The following AP1M1 variants were observed in gnomAD, a reference collection of about 807,000 sequenced individuals.
The protein encoded by AP1M1 is AP-1 complex subunit mu-1.
Under a neutral mutation model 57.1 loss-of-function variants are expected in AP1M1, and 18 were observed. That is an observed-to-expected ratio of 0.32 (90% CI 0.22 to 0.47). AP1M1 has a LOEUF of 0.47. Among genes scored for constraint, AP1M1 ranks in the 20% least tolerant of loss-of-function variants. The pLI, the probability that AP1M1 is intolerant of heterozygous loss-of-function variation, is 1.00. For missense variants in AP1M1, 362 were observed against 593.5 expected (o/e 0.61, Z 4.05); for synonymous variants, 241 against 237.9 (o/e 1.01, Z -0.12).
Position 16,234,968 on chromosome 19 carries a change from C to A in AP1M1, c.*533C>A. Reference sequence around the variant, plus strand: ...CCCACGTCCTACGGCACTCAGGAAGCACTTGGTGAGGACGAGCCCTCACCC... The same window carrying A: ...CCCACGTCCTACGGCACTCAGGAAGAACTTGGTGAGGACGAGCCCTCACCC... On this transcript the variant is annotated 3_prime_UTR_variant, in exon 12 of 12. Transcript: ENST00000291439. 1 of 157,164 alleles carries A rather than the reference C, an allele frequency of 6.4e-6. No individual in the cohort carries two copies. The allele number at this position is 157,164 out of a possible 1,614,324, so 9.7% of individuals were successfully genotyped here.
At position 16,239,375 on chromosome 19, in the gene AP1M1, C is replaced by T. The variant is rs2091637290; in HGVS notation, c.*4940C>T. On this transcript the variant is annotated 3_prime_UTR_variant, in exon 12 of 12. Transcript: ENST00000291439. ...TTACTTGAGCCCAGGAGTTTAAGGA[C>T]AGCCTGGGCAACATAGTGAGACCCT... 1 of 145,624 alleles carries T rather than the reference C, an allele frequency of 6.9e-6. No homozygotes were observed. Among genetic ancestry groups the T allele is most frequent in the Non-Finnish European group, 1.5e-5 (1 of 66,940 alleles). 9.0% of individuals were successfully genotyped at this position (145,624 alleles called of 1,614,324 possible).
intron 5 of AP1M1, 27 bp downstream of exon 5, chr19:16,209,204 G>T (rs758529330): frequency 6.2e-7 from 1 of 1,612,122 alleles, no homozygotes; most frequent in South Asian, 1.1e-5. Context: ...TCCTTCTTCT[G>T]TAGGGTTTTA....
In AP1M1 at chr19:16,227,785, A is replaced by C; in HGVS notation, c.816+95A>C. On this transcript the variant is annotated intron_variant, in intron 7 of 11. Transcript: ENST00000291439. The surrounding 1 kb of genome is among the most constrained non-coding windows in gnomAD (Gnocchi z 6.2). Reference sequence around the variant, plus strand: ...CCAGGCAGGCGCCAGGGCCAGCCCCACCCCACGCTCCATGAGCTGCCTGGC... The same window carrying C: ...CCAGGCAGGCGCCAGGGCCAGCCCCCCCCCACGCTCCATGAGCTGCCTGGC... 6.9e-7 allele frequency: 1 copy of C among 1,457,344 alleles called. No homozygotes were observed. 90.3% of individuals were successfully genotyped at this position (1,457,344 alleles called of 1,614,324 possible).
chr19:16,206,372 G>A lies in AP1M1; in HGVS notation c.231G>A (p.Val77=), dbSNP rs200386274. The A allele has an allele frequency of 6.2e-7, 1 of 1,614,182 alleles. No individual in the cohort carries two copies. The highest frequency in any genetic ancestry group is 2.2e-5 in the East Asian group (1 of 44,872). ...LVATSKKNAC[V]SLVFSFLYKV... Reference sequence around the variant, plus strand: ...CCACATCCAAGAAGAACGCGTGCGTGTCGCTGGTCTTTTCTTTCCTCTATA... The same window carrying A: ...CCACATCCAAGAAGAACGCGTGCGTATCGCTGGTCTTTTCTTTCCTCTATA... The change falls in exon 3 of 12, where the codon GTG becomes GTA. Residue 77 remains valine (V), a synonymous_variant. Coordinates refer to ENST00000291439, the MANE Select transcript of AP1M1 (RefSeq NM_032493.4). This position sits in a 1 kb window ranked among gnomAD's most constrained non-coding sequence, Gnocchi z 4.3.
At chr19:16,222,669 G>T (rs576267002) in intron 5 of AP1M1, among the ~76,000 whole-genome samples, 4 of 151,980 alleles carry the variant, frequency 2.6e-5, no homozygotes, top group Non-Finnish European at 4.4e-5. Flanking sequence ...GTATAGTGGT[G>T]CAGTTATAGC....
intron 1 of AP1M1, 68 bp downstream of exon 1, chr19:16,198,136 C>T: frequency 6.4e-7 from 1 of 1,570,550 alleles, no homozygotes; most frequent in South Asian, 1.1e-5. Context: ...CGGGGACCCA[C>T]CCTGTTGCTA....
At chr19:16,212,889 A>T (rs2091501418) in intron 5 of AP1M1, among the ~76,000 whole-genome samples, 1 of 152,056 alleles carries the variant, frequency 6.6e-6, no homozygotes, top group Admixed American at 6.6e-5. Context: ...TTTAATTTCC[A>T]TGTAATTGTA....
At chr19:16,198,344 G>A (rs1240684631) in intron 1 of AP1M1, 2 of 227,618 alleles carry the variant, frequency 8.8e-6, no homozygotes, top group Non-Finnish European at 1.7e-5. Context: ...CCCCGGCGCC[G>A]GGGCCGGGGG....
intron 5 of AP1M1, 23 bp from the exon 6 acceptor site, chr19:16,226,398 C>A: frequency 6.6e-7 from 1 of 1,516,686 alleles, no homozygotes; most frequent in Non-Finnish European, 8.9e-7. Context: ...GACCTCCCCT[C>A]ACGCCCACAC....
chr19:16,205,329 C>T (rs1887662249), intron 2 of AP1M1, among the ~76,000 whole-genome samples: 1 of 152,176 alleles, frequency 6.6e-6, no homozygotes, highest in Non-Finnish European at 1.5e-5. Flanking sequence ...TCGTTTCACC[C>T]CCAGCCGGGA....
chr19:16,217,066 C>T (rs1365403624), intron 5 of AP1M1, among the ~76,000 whole-genome samples: 1 of 152,158 alleles, frequency 6.6e-6, no homozygotes. Context: ...CAACTGTGCA[C>T]CTGTTCATTG....
At position 16,228,874 on chromosome 19, in the gene AP1M1, C is replaced by T. The variant is rs532714925; in HGVS notation, c.993C>T (p.Ser331=). The change falls in exon 9 of 12, where the codon AGC becomes AGT. Residue 331 remains serine, a synonymous_variant. Coordinates refer to ENST00000291439, the MANE Select transcript of AP1M1 (RefSeq NM_032493.4). The surrounding 1 kb of genome is among the most constrained non-coding windows in gnomAD (Gnocchi z 5.0). ...CCAAGTTCAAGACGACGGTGGGGAG[C>T]GTTAAGTGGGTCCCCGAGAACAGCG... The part of the protein sequence containing the change: ...DSPKFKTTVG[S]VKWVPENSEI... 1.7e-5 allele frequency: 28 copies of T among 1,614,162 alleles called. No individual in the cohort carries two copies. Among genetic ancestry groups the T allele is most frequent in the African/African-American group, 1.3e-4 (10 of 75,042 alleles).
chr19:16,240,341 C>G lies in AP1M1; in HGVS notation c.*5906C>G, dbSNP rs2091641441. On this transcript the variant is annotated 3_prime_UTR_variant, in exon 12 of 12. Coordinates refer to ENST00000291439, the MANE Select transcript of AP1M1 (RefSeq NM_032493.4). Reference sequence around the variant, plus strand: ...GTTAGCACAAGACAATAAGAAGGCCCAACATGCCAGCAAGTATCTAACACA... The same window carrying G: ...GTTAGCACAAGACAATAAGAAGGCCGAACATGCCAGCAAGTATCTAACACA... 1 of 151,280 alleles carries G rather than the reference C, an allele frequency of 6.6e-6. No individual in the cohort carries two copies. The highest frequency in any genetic ancestry group is 2.4e-5 in the African/African-American group (1 of 41,058). The allele number at this position is 151,280 out of a possible 1,614,324, so 9.4% of individuals were successfully genotyped here.
chr19:16,203,223 C>T lies in AP1M1; in HGVS notation c.43-236C>T, dbSNP rs1162374691. 25 of 558,500 alleles carry T rather than the reference C, an allele frequency of 4.5e-5. No homozygotes were observed. The highest frequency in any genetic ancestry group is 7.4e-5 in the Non-Finnish European group (23 of 310,514). 34.6% of individuals were successfully genotyped at this position (558,500 alleles called of 1,614,324 possible). ...TTGCTGCAGAGTTCGCCTCTACCCT[C>T]ACCCTGCGAAGAACTGCAGTGGCCC... On this transcript the variant is annotated intron_variant, in intron 1 of 11. Coordinates refer to ENST00000291439, the MANE Select transcript of AP1M1 (RefSeq NM_032493.4). This position sits in a 1 kb window ranked among gnomAD's most constrained non-coding sequence, Gnocchi z 4.6.
At chr19:16,226,006 C>T (rs892609895) in intron 5 of AP1M1, among the ~76,000 whole-genome samples, 7 of 152,168 alleles carry the variant, frequency 4.6e-5, no homozygotes, top group South Asian at 2.1e-4. Flanking sequence ...GCTGACTCAG[C>T]GTGGGGACCA....
In AP1M1 at chr19:16,231,039, A is replaced by G. The variant is rs576553076; in HGVS notation, c.1047+2111A>G. On this transcript the variant is annotated intron_variant, in intron 9 of 11. Transcript: ENST00000291439. ...CGCTGTGGCTCACGCCTGTAATCCC[A>G]GCACTTTCGGAGGCTGAGGCGGGCG... Among the ~76,000 whole-genome samples, 13 of 152,156 alleles carry G rather than the reference A, an allele frequency of 8.5e-5. No individual in the cohort carries two copies. In the South Asian group the frequency reaches 1.7e-3, roughly 19 times the overall value.
intron 5 of AP1M1, among the ~76,000 whole-genome samples, chr19:16,216,478 A>G (rs76454585): frequency 0.06 from 9,106 of 152,004 alleles, 601 homozygotes; most frequent in East Asian, 0.27. Flanking sequence ...CTGGAGAACT[A>G]CTGCAGTTTG....
Position 16,206,216 on chromosome 19 carries a change from C to CGGCT in AP1M1, c.200-122_200-119dup. ...TGTAGCCCACCATGGGCCAAGTAAA[C>CGGCT]GGCTGGGAGTGGGGATAGGGAAGGC... is the stretch of plus-strand genomic sequence containing the variant. On this transcript the variant is annotated intron_variant, in intron 2 of 11. Coordinates refer to ENST00000291439, the MANE Select transcript of AP1M1 (RefSeq NM_032493.4). The surrounding 1 kb of genome is among the most constrained non-coding windows in gnomAD (Gnocchi z 4.3). The CGGCT allele has an allele frequency of 1.0e-6, 1 of 956,742 alleles. No individual in the cohort carries two copies. Among genetic ancestry groups the CGGCT allele is most frequent in the Middle Eastern group, 2.4e-4 (1 of 4,100 alleles). 59.3% of individuals were successfully genotyped at this position (956,742 alleles called of 1,614,324 possible).
intron 5 of AP1M1, among the ~76,000 whole-genome samples, chr19:16,220,265 C>T (rs534522723): frequency 2.0e-5 from 3 of 152,280 alleles, no homozygotes; most frequent in South Asian, 4.1e-4. Flanking sequence ...AGGGCAGTAG[C>T]GTGAACACAG....
Sources: allele counts gnomAD v4.1 joint callset (sites outside exome capture counted in the v4.1 genomes callset), GRCh38; gene constraint gnomAD v4.1.1; non-coding constraint Gnocchi (gnomAD v3.1); transcripts MANE v1.5; gene names NCBI Gene and HGNC (gene_info 2026-07-23, HGNC 2026-07-21).